Variants in SH2D6 observed in about 807,000 individuals in gnomAD.
SH2D6 encodes SH2 domain containing 6.
Under a neutral mutation model 30.2 loss-of-function variants are expected in SH2D6, and 31 were observed. That is an observed-to-expected ratio of 1.03 (90% CI 0.77 to 1.38). SH2D6 has a LOEUF of 1.38. SH2D6 is among the 40% of genes most tolerant of loss of function. The pLI, the probability that SH2D6 is intolerant of heterozygous loss-of-function variation, is 0.00. For missense variants in SH2D6, 240 were observed against 266.8 expected (o/e 0.90, Z 0.70); for synonymous variants, 93 against 104.6 (o/e 0.89, Z 0.68).
At chr2:85,429,336 T>C (rs907000742) in intron 7 of SH2D6, 36 bp from the exon 8 acceptor site, 6 of 152,386 alleles carry the variant, frequency 3.9e-5, no homozygotes, top group Admixed American at 2.0e-4. Flanking sequence ...GGTCCAGGGT[T>C]GGAGGCCACA....
rs1688500066 is a variant in SH2D6, at chr2:85,430,598, C to T, written c.196C>T (p.Leu66Phe). 1 of 153,156 alleles carries T rather than the reference C, an allele frequency of 6.5e-6. No homozygotes were observed. Among genetic ancestry groups the T allele is most frequent in the South Asian group, 2.1e-4 (1 of 4,842 alleles). 9.5% of individuals were successfully genotyped at this position (153,156 alleles called of 1,614,324 possible). The change falls in exon 12 of 24, where the codon CTC becomes TTC. Residue 66 changes from leucine to phenylalanine, a missense_variant. Coordinates refer to ENST00000469800, the MANE Select transcript of SH2D6 (RefSeq NM_001394463.1). The surrounding 1 kb of genome is among the most constrained non-coding windows in gnomAD (Gnocchi z 4.3). The stretch of plus-strand genomic sequence containing the variant: ...GCTGCCCCCCTGTGAGGCTCTGCCC[C>T]TCAGTCTAGCCCCTGCCCACCTTCC... ...YELPPCEALP[L>F]SLAPAHLPGT... is the part of the protein sequence containing the mutation.
intron 5 of SH2D6, among the ~76,000 whole-genome samples, chr2:85,424,519 G>T (rs1438614253): frequency 1.3e-5 from 2 of 152,144 alleles, no homozygotes; most frequent in Non-Finnish European, 2.9e-5. Flanking sequence ...GGAGGCTAAG[G>T]CAGGAGGATC....
chr2:85,434,415 G>A (rs1392599943), intron 18 of SH2D6, 45 bp downstream of exon 18: 18 of 1,550,474 alleles, frequency 1.2e-5, no homozygotes, highest in Middle Eastern at 1.7e-4. Context: ...GGCAGGGAGG[G>A]AGGCTCAGGG....
At chr2:85,425,091 A>G (rs17275209) in intron 5 of SH2D6, among the ~76,000 whole-genome samples, 8,939 of 152,064 alleles carry the variant, frequency 0.059, 385 homozygotes, top group Middle Eastern at 0.085. Flanking sequence ...ATAAATAAAT[A>G]GTCCCAACAC....
intron 5 of SH2D6, among the ~76,000 whole-genome samples, chr2:85,424,170 C>T (rs1687869218): frequency 6.6e-6 from 1 of 152,372 alleles, no homozygotes; most frequent in East Asian, 1.9e-4. Context: ...CCCACCTAAA[C>T]TTCACTTGCC....
At chr2:85,427,762 G>C (rs1006053211) in intron 6 of SH2D6, among the ~76,000 whole-genome samples, 3 of 152,208 alleles carry the variant, frequency 2.0e-5, no homozygotes, top group African/African-American at 7.2e-5. Flanking sequence ...ATGAGGATTT[G>C]TTATTTTTGT....
At chr2:85,427,970 T>C (rs1688205774) in intron 6 of SH2D6, among the ~76,000 whole-genome samples, 1 of 152,068 alleles carries the variant, frequency 6.6e-6, no homozygotes, top group African/African-American at 2.4e-5. Context: ...TTCTCCTTTG[T>C]GCCAACAGCC....
At chr2:85,424,657 C>G (rs1687906155) in intron 5 of SH2D6, among the ~76,000 whole-genome samples, 1 of 152,096 alleles carries the variant, frequency 6.6e-6, no homozygotes, top group Non-Finnish European at 1.5e-5. Flanking sequence ...GAAGTTGAGG[C>G]TGGAGGATCA....
intron 2 of SH2D6, among the ~76,000 whole-genome samples, chr2:85,419,464 T>A (rs1687667369): frequency 1.3e-5 from 2 of 152,188 alleles, no homozygotes; most frequent in Non-Finnish European, 2.9e-5. Context: ...TAGGATGAGC[T>A]GTGCTGAGGC....
At position 85,428,679 on chromosome 2, in the gene SH2D6, G is replaced by A. The variant is rs1443371689; in HGVS notation, c.-113G>A. On this transcript the variant is annotated 5_prime_UTR_variant, in exon 7 of 24. Transcript: ENST00000469800. ...CAACCTTTATGGCACCTTGATCTTAGACTTCTAGCTCCAGAACAGTGAGAA... is the reference window on the plus strand; with the variant it reads ...CAACCTTTATGGCACCTTGATCTTAAACTTCTAGCTCCAGAACAGTGAGAA... 6.6e-6 allele frequency: 1 copy of A among 152,208 alleles called. No homozygotes were observed. Among genetic ancestry groups the A allele is most frequent in the Non-Finnish European group, 1.5e-5 (1 of 68,044 alleles). 9.4% of individuals were successfully genotyped at this position (152,208 alleles called of 1,614,324 possible). A position where few individuals can be genotyped will look rare whatever the true frequency, so the allele number is the denominator to read the frequency against.
intron 5 of SH2D6, among the ~76,000 whole-genome samples, chr2:85,424,625 G>A (rs995301431): frequency 6.6e-6 from 1 of 152,108 alleles, no homozygotes; most frequent in Non-Finnish European, 1.5e-5. Flanking sequence ...GGTGGTGTGA[G>A]CATATAGTCC....
intron 7 of SH2D6, among the ~76,000 whole-genome samples, chr2:85,429,125 G>T (rs1257794454): frequency 6.6e-6 from 1 of 152,224 alleles, no homozygotes; most frequent in Non-Finnish European, 1.5e-5. Flanking sequence ...TTTTTAATTG[G>T]ATCTGCCAAA....
chr2:85,428,999 ACTT>A (rs1688304084), intron 7 of SH2D6, among the ~76,000 whole-genome samples: 2 of 152,228 alleles, frequency 1.3e-5, no homozygotes, highest in African/African-American at 2.4e-5. Flanking sequence ...AAATATGAGA[ACTT>A]CTTTCTAAGC....
chr2:85,425,577 T>A (rs1454157871), intron 6 of SH2D6, among the ~76,000 whole-genome samples, 170 bp downstream of exon 6: 1 of 152,176 alleles, frequency 6.6e-6, no homozygotes, highest in Non-Finnish European at 1.5e-5. Flanking sequence ...CGGATTAAAG[T>A]TCTTAACTGA....
rs1263370908 is a variant in SH2D6 at position 85,433,963 on chromosome 2, C to T, written c.455-70C>T. ...CAGCAGGCCCTGCAGCTGTTCTCAG[C>T]CCTGCCCTGGTCAGCATGGATTCCC... On this transcript the variant is annotated intron_variant, in intron 16 of 23. Transcript: ENST00000469800. 8 of 1,344,990 alleles carry T rather than the reference C, an allele frequency of 5.9e-6. No homozygotes were observed. The Middle Eastern group carries it at 1.0e-3, about 174-fold the overall frequency. The allele number at this position is 1,344,990 out of a possible 1,614,324, so 83.3% of individuals were successfully genotyped here.
At chr2:85,436,155 A>C (rs1303384539) in intron 22 of SH2D6, among the ~76,000 whole-genome samples, 1 of 152,150 alleles carries the variant, frequency 6.6e-6, no homozygotes, top group Non-Finnish European at 1.5e-5. Flanking sequence ...GCTAGGATGC[A>C]AACTAGAGAC....
rs370230374 is a variant in SH2D6, at chr2:85,430,830, T to C, written c.250+178T>C. ...GGCTGGGCAGGGAGAGAGAGAGGGA[T>C]GAAGGAACGGAGGGAGGGAGGGTGG... On this transcript the variant is annotated intron_variant, in intron 12 of 23. Transcript: ENST00000469800. This position sits in a 1 kb window ranked among gnomAD's most constrained non-coding sequence, Gnocchi z 4.3. 9.0e-6 allele frequency among the ~76,000 whole-genome samples: 1 copy of C among 111,166 alleles called. No homozygotes were observed. Among genetic ancestry groups the C allele is most frequent in the Admixed American group, 1.4e-4 (1 of 7,066 alleles). The allele number at this position is 111,166 out of a possible 152,430, so 72.9% of individuals were successfully genotyped here.
intron 15 of SH2D6, 68 bp from the exon 16 acceptor site, chr2:85,433,503 A>T: frequency 1.1e-6 from 1 of 870,432 alleles, no homozygotes; most frequent in Non-Finnish European, 1.4e-6. Context: ...CTCCCCCAAA[A>T]CCCCAGTCCT....
intron 6 of SH2D6, among the ~76,000 whole-genome samples, chr2:85,425,976 C>T (rs746536478): frequency 7.9e-5 from 12 of 152,302 alleles, no homozygotes; most frequent in South Asian, 4.1e-4. Context: ...CAATTGGAAA[C>T]GAGGATTCAT....
Sources: gnomAD v4.1 joint callset for allele counts (sites outside exome capture counted in the v4.1 genomes callset) on GRCh38, gnomAD v4.1.1 for gene constraint, Gnocchi (gnomAD v3.1) non-coding constraint, MANE v1.5 for transcripts, NCBI Gene and HGNC (gene_info 2026-07-23, HGNC 2026-07-21) for gene names.